The following UVRAG variants were observed in gnomAD, a reference collection of about 807,000 sequenced individuals.
UVRAG encodes UV radiation resistance associated, also known as UV radiation resistance-associated gene protein.
In UVRAG, 19 loss-of-function variants were observed where a neutral mutation model predicts 78.0. That is an observed-to-expected ratio of 0.24 (90% CI 0.17 to 0.36). The LOEUF (loss-of-function observed/expected upper bound fraction) is 0.36. UVRAG is among the 10% of genes least tolerant of loss of function. The pLI is 1.00. For synonymous variants in UVRAG, 323 were observed against 324.6 expected (o/e 1.00, Z 0.05); for missense variants, 740 against 853.8 (o/e 0.87, Z 1.66).
At chr11:75,876,350 C>G (rs564246863) in intron 3 of UVRAG, among the ~76,000 whole-genome samples, 8 of 152,154 alleles carry the variant, frequency 5.3e-5, no homozygotes, top group Admixed American at 1.3e-4. Flanking sequence ...TTGCCTAGAT[C>G]CAAGTCTATA....
At chr11:75,968,524 G>A (rs1949067236) in intron 7 of UVRAG, among the ~76,000 whole-genome samples, 1 of 152,128 alleles carries the variant, frequency 6.6e-6, no homozygotes, top group Non-Finnish European at 1.5e-5. Flanking sequence ...ATATATTTCT[G>A]TAAATGAGCC....
At chr11:76,062,680 T>G (rs1951116786) in intron 12 of UVRAG, among the ~76,000 whole-genome samples, 1 of 152,160 alleles carries the variant, frequency 6.6e-6, no homozygotes, top group Admixed American at 6.5e-5. Context: ...AATACTGGAT[T>G]TATTATTGAA....
intron 2 of UVRAG, among the ~76,000 whole-genome samples, chr11:75,854,553 A>G (rs1015278601): frequency 6.6e-6 from 1 of 152,162 alleles, no homozygotes; most frequent in Non-Finnish European, 1.5e-5. Flanking sequence ...AGAAGGTGGC[A>G]TTACAGGCAT....
At chr11:75,893,367 A>C (rs1208632058) in intron 5 of UVRAG, among the ~76,000 whole-genome samples, 1 of 151,948 alleles carries the variant, frequency 6.6e-6, no homozygotes, top group African/African-American at 2.4e-5. Flanking sequence ...ATGAGCACTA[A>C]ATGAGCACGA....
At chr11:76,051,407 G>T (rs1181894198) in intron 12 of UVRAG, among the ~76,000 whole-genome samples, 1 of 151,864 alleles carries the variant, frequency 6.6e-6, no homozygotes, top group Non-Finnish European at 1.5e-5. Context: ...AAAAAGACAT[G>T]GTTTCCATCC....
chr11:76,105,369 C>T (rs1241360174), intron 13 of UVRAG, among the ~76,000 whole-genome samples: 1 of 152,064 alleles, frequency 6.6e-6, no homozygotes, highest in African/African-American at 2.4e-5. Flanking sequence ...TCTGCCACTG[C>T]ACTCCAGTCT....
At chr11:76,090,140 T>G (rs569527252) in intron 13 of UVRAG, among the ~76,000 whole-genome samples, 1 of 152,272 alleles carries the variant, frequency 6.6e-6, no homozygotes, top group African/African-American at 2.4e-5. Context: ...CAGCAACTGG[T>G]CAGCATTTCT....
chr11:76,137,303 C>T (rs1476473953), intron 14 of UVRAG: 19 of 455,170 alleles, frequency 4.2e-5, no homozygotes, highest in African/African-American at 1.2e-4. Context: ...GAAGAACCCA[C>T]GCCAGGCTTA....
At chr11:75,918,463 C>T (rs1947908580) in intron 6 of UVRAG, among the ~76,000 whole-genome samples, 2 of 151,976 alleles carry the variant, frequency 1.3e-5, no homozygotes, top group South Asian at 2.1e-4. Flanking sequence ...AGAAAGTTCA[C>T]ACTTCTTAGT....
intron 4 of UVRAG, among the ~76,000 whole-genome samples, chr11:75,882,948 A>G (rs997995355): frequency 6.6e-5 from 10 of 152,226 alleles, no homozygotes; most frequent in Non-Finnish European, 5.9e-5. Flanking sequence ...AACTTAGAAA[A>G]TAATGACTTT....
chr11:75,831,988 GA>G (rs1424453115), intron 1 of UVRAG, among the ~76,000 whole-genome samples: 1 of 152,190 alleles, frequency 6.6e-6, no homozygotes, highest in Non-Finnish European at 1.5e-5. Flanking sequence ...ACCTGAAGGT[GA>G]AAAACAGGAT....
At chr11:75,990,647 A>G (rs1167067568) in intron 8 of UVRAG, among the ~76,000 whole-genome samples, 3 of 152,230 alleles carry the variant, frequency 2.0e-5, no homozygotes, top group Middle Eastern at 3.2e-3. Context: ...TCTTACCTGC[A>G]TACAGGCCTT....
intron 7 of UVRAG, 91 bp downstream of exon 7, chr11:75,961,640 G>A (rs552949019): frequency 8.2e-6 from 8 of 977,522 alleles, no homozygotes; most frequent in African/African-American, 1.7e-5. Flanking sequence ...AAACGCTTTA[G>A]ATCGTTTTTA....
intron 12 of UVRAG, among the ~76,000 whole-genome samples, chr11:76,033,736 G>A (rs1405625862): frequency 6.6e-6 from 1 of 152,044 alleles, no homozygotes; most frequent in Non-Finnish European, 1.5e-5. Flanking sequence ...AATAACATAA[G>A]AAAAATACTC....
At chr11:75,834,016 A>C (rs1416979333) in intron 1 of UVRAG, among the ~76,000 whole-genome samples, 4 of 152,194 alleles carry the variant, frequency 2.6e-5, no homozygotes, top group African/African-American at 9.7e-5. Context: ...TAATGGCCAG[A>C]TTTTGGGGGG....
chr11:76,005,836 T>C (rs957398679), intron 9 of UVRAG, among the ~76,000 whole-genome samples: 1 of 152,236 alleles, frequency 6.6e-6, no homozygotes, highest in Non-Finnish European at 1.5e-5. Context: ...TGGTTTATTA[T>C]AAAGGACATT....
At chr11:76,075,897 A>G (rs1053952149) in intron 13 of UVRAG, among the ~76,000 whole-genome samples, 1 of 151,796 alleles carries the variant, frequency 6.6e-6, no homozygotes, top group African/African-American at 2.4e-5. Flanking sequence ...AGGTTTATCC[A>G]TTTTGTAGCA....
At chr11:75,964,976 C>T (rs750657850) in intron 7 of UVRAG, among the ~76,000 whole-genome samples, 15 of 152,118 alleles carry the variant, frequency 9.9e-5, no homozygotes, top group Non-Finnish European at 2.1e-4. Flanking sequence ...GTCTGTATTT[C>T]CCCAATACCA....
chr11:76,013,138 C>T (rs1176077326), intron 11 of UVRAG: 1 of 151,846 alleles, frequency 6.6e-6, no homozygotes, highest in African/African-American at 2.4e-5. Context: ...TACTTGGATG[C>T]GTTTGAATAT....
Sources: gnomAD v4.1 joint callset for allele counts (sites outside exome capture counted in the v4.1 genomes callset) on GRCh38, gnomAD v4.1.1 for gene constraint, MANE v1.5 for transcripts, NCBI Gene and HGNC (gene_info 2026-07-23, HGNC 2026-07-21) for gene names.